Variants in KCNH8 observed in about 807,000 individuals in gnomAD.
The protein encoded by KCNH8 is potassium voltage-gated channel subfamily H member 8.
Under a neutral mutation model 103.6 loss-of-function variants are expected in KCNH8, and 70 were observed. The observed-to-expected ratio is 0.68, with a 90% CI of 0.56 to 0.82. KCNH8 has a LOEUF of 0.82. KCNH8 is among the 40% of genes least tolerant of loss of function. The pLI is 0.00. For missense variants in KCNH8, 1,217 were observed against 1,329.9 expected (o/e 0.92, Z 1.32); for synonymous variants, 498 against 489.4 (o/e 1.02, Z -0.23).
At chr3:19,471,191 A>T (rs578133087) in intron 11 of KCNH8, among the ~76,000 whole-genome samples, 1 of 152,338 alleles carries the variant, frequency 6.6e-6, no homozygotes, top group South Asian at 2.1e-4. Context: ...GGTTGCTTCC[A>T]TCCTGAAGAG....
chr3:19,354,464 T>A (rs1295142294), intron 5 of KCNH8, among the ~76,000 whole-genome samples: 2 of 152,144 alleles, frequency 1.3e-5, no homozygotes, highest in Non-Finnish European at 2.9e-5. Context: ...GGTATCACGC[T>A]ACCTGACTTC....
intron 5 of KCNH8, among the ~76,000 whole-genome samples, chr3:19,374,713 A>G (rs1258366272): frequency 3.3e-5 from 5 of 151,426 alleles, no homozygotes; most frequent in Non-Finnish European, 7.4e-5. Context: ...TGGTCTTTAC[A>G]TTTTGGCATG....
rs1276271035 is a variant in KCNH8 at position 19,373,056 on chromosome 3, A to G, written c.812-17425A>G. Among the ~76,000 whole-genome samples, 9 of 151,850 alleles carry G rather than the reference A, an allele frequency of 5.9e-5. No individual in the cohort carries two copies. In the South Asian group the frequency reaches 1.0e-3, roughly 17 times the overall value. ...TTTTGCATCAATGTTCATCAAGGAT[A>G]TTGGTCTAAAATTCTCTTTTTTGGT... On this transcript the variant is annotated intron_variant, in intron 5 of 15. Coordinates refer to ENST00000328405, the MANE Select transcript of KCNH8 (RefSeq NM_144633.3).
At chr3:19,387,505 G>A (rs1016833704) in intron 5 of KCNH8, among the ~76,000 whole-genome samples, 11 of 152,138 alleles carry the variant, frequency 7.2e-5, no homozygotes, top group African/African-American at 2.7e-4. Flanking sequence ...GTGTGAAAAA[G>A]TGTTTCGTAA....
intron 1 of KCNH8, among the ~76,000 whole-genome samples, chr3:19,239,831 G>C (rs1473077270): frequency 6.6e-6 from 1 of 152,014 alleles, no homozygotes; most frequent in Non-Finnish European, 1.5e-5. Context: ...CTACTTGACA[G>C]ATTCATTGGT....
intron 3 of KCNH8, among the ~76,000 whole-genome samples, chr3:19,291,206 A>C (rs890571899): frequency 2.6e-5 from 4 of 152,046 alleles, no homozygotes; most frequent in Admixed American, 6.5e-5. Flanking sequence ...TCCTGGATTC[A>C]TTGATTTTTT....
intron 2 of KCNH8, among the ~76,000 whole-genome samples, chr3:19,280,426 C>G (rs759028139): frequency 2.6e-4 from 39 of 152,092 alleles, no homozygotes; most frequent in Admixed American, 7.9e-4. Context: ...CCTTTCTAAT[C>G]ACAATTTCCC....
At chr3:19,299,535 T>C (rs1216352831) in intron 3 of KCNH8, among the ~76,000 whole-genome samples, 1 of 152,180 alleles carries the variant, frequency 6.6e-6, no homozygotes, top group East Asian at 1.9e-4. Context: ...AATATAATTT[T>C]CATTTCCAAA....
At chr3:19,376,202 C>T (rs28488710) in intron 5 of KCNH8, among the ~76,000 whole-genome samples, 11,802 of 152,272 alleles carry the variant, frequency 0.078, 550 homozygotes, top group East Asian at 0.17. Flanking sequence ...CCCAGCCTCG[C>T]TGCCGCCTTG....
At chr3:19,160,403 G>A (rs1361558935) in intron 1 of KCNH8, among the ~76,000 whole-genome samples, 1 of 151,828 alleles carries the variant, frequency 6.6e-6, no homozygotes, top group Non-Finnish European at 1.5e-5. Context: ...AGAGTTCATT[G>A]AATTTTGCAA....
intron 5 of KCNH8, among the ~76,000 whole-genome samples, chr3:19,352,047 C>T (rs926988306): frequency 2.6e-5 from 4 of 152,046 alleles, no homozygotes; most frequent in Admixed American, 6.6e-5. Context: ...GGAAGACCTA[C>T]CAAGCAAATG....
intron 11 of KCNH8, among the ~76,000 whole-genome samples, chr3:19,492,987 T>C (rs753613134): frequency 6.6e-6 from 1 of 152,076 alleles, no homozygotes; most frequent in South Asian, 2.1e-4. Context: ...TTTGTGACTA[T>C]TGTAAATGAG....
At chr3:19,329,161 G>A (rs1023315681) in intron 3 of KCNH8, among the ~76,000 whole-genome samples, 2 of 152,062 alleles carry the variant, frequency 1.3e-5, no homozygotes, top group Admixed American at 1.3e-4. Context: ...AGGGCATTCC[G>A]AGGCTTCCCC....
At chr3:19,274,837 TCCCCA>T (rs1159773999) in intron 2 of KCNH8, among the ~76,000 whole-genome samples, 50 of 10,130 alleles carry the variant, frequency 4.9e-3, no homozygotes, top group Non-Finnish European at 6.3e-3. Flanking sequence ...TTCCCTCCCC[TCCCCA>T]CCCCTCCCCT....
intron 5 of KCNH8, among the ~76,000 whole-genome samples, chr3:19,370,881 T>C (rs1023273685): frequency 5.9e-5 from 9 of 151,976 alleles, no homozygotes; most frequent in African/African-American, 1.7e-4. Flanking sequence ...CTTCTTGAGA[T>C]AGTTTACTGA....
At chr3:19,524,234 A>C (rs1382277589) in intron 15 of KCNH8, among the ~76,000 whole-genome samples, 1 of 151,908 alleles carries the variant, frequency 6.6e-6, no homozygotes, top group African/African-American at 2.4e-5. Context: ...AGATTTGTCT[A>C]TATAGGCTTT....
intron 5 of KCNH8, among the ~76,000 whole-genome samples, chr3:19,352,555 A>G (rs1209851047): frequency 6.6e-6 from 1 of 152,216 alleles, no homozygotes; most frequent in Non-Finnish European, 1.5e-5. Context: ...AGTGCAATCA[A>G]ACTAGAACTC....
At chr3:19,281,442 C>G in intron 3 of KCNH8, 113 bp downstream of exon 3, 2 of 930,050 alleles carry the variant, frequency 2.2e-6, no homozygotes, top group Non-Finnish European at 3.2e-6. Context: ...GATAAATATT[C>G]GTAACTGTTA....
chr3:19,295,655 C>G (rs879382627), intron 3 of KCNH8, among the ~76,000 whole-genome samples: 1 of 152,124 alleles, frequency 6.6e-6, no homozygotes, highest in Non-Finnish European at 1.5e-5. Context: ...TTTCTTTGAC[C>G]TGCTGGCATT....
Sources: allele counts gnomAD v4.1 joint callset (sites outside exome capture counted in the v4.1 genomes callset), GRCh38; gene constraint gnomAD v4.1.1; transcripts MANE v1.5; gene names NCBI Gene and HGNC (gene_info 2026-07-23, HGNC 2026-07-21).